CALN1: variants seen among roughly 807,000 people sequenced by gnomAD.
CALN1 encodes the protein calcium-binding protein 8.
CALN1 carries 17 observed loss-of-function variants against 30.6 expected under a neutral mutation model. That is an observed-to-expected ratio of 0.56 (90% CI 0.38 to 0.83). CALN1 has a LOEUF of 0.83. Among genes scored for constraint, CALN1 ranks in the 40% least tolerant of loss-of-function variants. The probability of loss-of-function intolerance (pLI) is 0.00; values close to 1 mark genes in which losing one functional copy is unlikely to be tolerated. For synonymous variants in CALN1, 156 were observed against 131.4 expected (o/e 1.19, Z -1.28); for missense variants, 291 against 354.9 (o/e 0.82, Z 1.45).
chr7:72,268,531 C>T (rs1041801916), intron 3 of CALN1, among the ~76,000 whole-genome samples: 3 of 152,150 alleles, frequency 2.0e-5, no homozygotes, highest in Non-Finnish European at 2.9e-5. Flanking sequence ...ACAGGATGAG[C>T]ATGGTGGCTC....
intron 4 of CALN1, among the ~76,000 whole-genome samples, chr7:72,054,450 T>TATATATACATATATAC (rs1563015519): frequency 1.7e-5 from 1 of 57,440 alleles, no homozygotes; most frequent in African/African-American, 4.7e-5. Flanking sequence ...TATATATACA[T>TATATATACATATATAC]ATATATACAT....
chr7:72,325,874 C>T (rs897043953), intron 2 of CALN1, among the ~76,000 whole-genome samples: 1 of 152,064 alleles, frequency 6.6e-6, no homozygotes, highest in African/African-American at 2.4e-5. Context: ...CGCTTGACAT[C>T]TGGGCAAAAA....
At chr7:72,223,541 T>G (rs988152454) in intron 3 of CALN1, among the ~76,000 whole-genome samples, 1 of 152,038 alleles carries the variant, frequency 6.6e-6, no homozygotes, top group African/African-American at 2.4e-5. Flanking sequence ...AGCAGGACAT[T>G]CCCTGCACTT....
intron 5 of CALN1, among the ~76,000 whole-genome samples, chr7:71,991,241 C>T (rs1208208455): frequency 6.6e-6 from 1 of 152,122 alleles, no homozygotes; most frequent in Non-Finnish European, 1.5e-5. Flanking sequence ...GGCAGATCAT[C>T]TGCAGTCAGG....
At chr7:71,900,408 C>T (rs1029922367) in intron 5 of CALN1, among the ~76,000 whole-genome samples, 1 of 152,152 alleles carries the variant, frequency 6.6e-6, no homozygotes, top group African/African-American at 2.4e-5. Context: ...ACCTAGAAAA[C>T]CCTAAAGACT....
chr7:72,041,131 A>G (rs906632266), intron 4 of CALN1, among the ~76,000 whole-genome samples: 1 of 152,168 alleles, frequency 6.6e-6, no homozygotes, highest in Non-Finnish European at 1.5e-5. Context: ...GTTGCACTCT[A>G]CATAAGAGGC....
At chr7:72,375,501 G>A (rs1271632358) in intron 2 of CALN1, among the ~76,000 whole-genome samples, 7 of 151,358 alleles carry the variant, frequency 4.6e-5, no homozygotes, top group Non-Finnish European at 8.8e-5. Flanking sequence ...TGGAGGTCGA[G>A]GCTGCAGTGA....
intron 2 of CALN1, among the ~76,000 whole-genome samples, chr7:72,393,274 C>G (rs1161566877): frequency 6.6e-6 from 1 of 152,126 alleles, no homozygotes; most frequent in Non-Finnish European, 1.5e-5. Flanking sequence ...ACCATCCTGG[C>G]TAACACGGTG....
intron 5 of CALN1, among the ~76,000 whole-genome samples, chr7:71,890,892 A>G (rs1315651953): frequency 6.6e-6 from 1 of 151,922 alleles, no homozygotes; most frequent in Non-Finnish European, 1.5e-5. Flanking sequence ...GACTACAGGC[A>G]TGCACCACCA....
At chr7:72,487,431 A>G in the CALN1 span, among the ~76,000 whole-genome samples, 3 of 152,056 alleles carry the variant, frequency 2.0e-5, no homozygotes, top group African/African-American at 7.2e-5. Context: ...CATGCCTGTA[A>G]TCCCAGCACT....
intron 3 of CALN1, among the ~76,000 whole-genome samples, chr7:72,271,563 T>TAAAAAAAAAAAAAAAAAAAAA (rs1426004146): frequency 3.9e-5 from 3 of 76,310 alleles, no homozygotes; most frequent in African/African-American, 2.4e-4. Context: ...TGCCTGCCTT[T>TAAAAAAAAAAAAAAAAAAAAA]TAAAAAAAAA....
rs1397863656 is a variant in CALN1 at position 72,277,805 on chromosome 7, A to T, written c.244+881T>A. ...AAAGCACACTGATTTGAACCATTAC[A>T]CTTAAAAGCAAATATGTGGGCCAAC... On this transcript the variant is annotated intron_variant, in intron 3 of 6. Coordinates refer to ENST00000395275, the MANE Select transcript of CALN1 (RefSeq NM_031468.4). Among the ~76,000 whole-genome samples, 9 of 151,720 alleles carry T rather than the reference A, an allele frequency of 5.9e-5. 1 individual carries two copies. The East Asian group carries it at 1.4e-3, about 23-fold the overall frequency.
intron 3 of CALN1, among the ~76,000 whole-genome samples, chr7:72,149,656 A>C (rs1409903301): frequency 6.6e-6 from 1 of 151,756 alleles, no homozygotes; most frequent in Non-Finnish European, 1.5e-5. Context: ...TAATACTCCC[A>C]TTCCCTATTT....
intron 4 of CALN1, among the ~76,000 whole-genome samples, chr7:72,094,276 T>TG (rs1193285891): frequency 6.6e-6 from 1 of 151,908 alleles, no homozygotes; most frequent in Non-Finnish European, 1.5e-5. Flanking sequence ...TACCAGAATT[T>TG]TTTTTTTAAC....
At chr7:72,338,421 T>C (rs887884835) in intron 2 of CALN1, among the ~76,000 whole-genome samples, 1 of 150,696 alleles carries the variant, frequency 6.6e-6, no homozygotes, top group Admixed American at 6.7e-5. Context: ...TCTCCACTGT[T>C]TGGTTCAACT....
At chr7:72,139,545 C>T (rs1809745321) in intron 3 of CALN1, among the ~76,000 whole-genome samples, 2 of 152,022 alleles carry the variant, frequency 1.3e-5, no homozygotes, top group Non-Finnish European at 2.9e-5. Flanking sequence ...TGTCCACCCC[C>T]TCAGCCATGC....
chr7:72,010,190 G>T (rs571620286), intron 5 of CALN1, among the ~76,000 whole-genome samples: 35 of 152,236 alleles, frequency 2.3e-4, no homozygotes, highest in African/African-American at 8.2e-4. Flanking sequence ...GTATTAGGAA[G>T]CGGGCCCTTT....
intron 5 of CALN1, among the ~76,000 whole-genome samples, chr7:71,982,967 C>T (rs1398229174): frequency 6.6e-6 from 1 of 152,164 alleles, no homozygotes; most frequent in Non-Finnish European, 1.5e-5. Context: ...AGCAGACAAC[C>T]TGGTGCAGGC....
chr7:72,093,042 C>T (rs1347076513), intron 4 of CALN1, among the ~76,000 whole-genome samples: 2 of 152,058 alleles, frequency 1.3e-5, no homozygotes, highest in African/African-American at 4.8e-5. Flanking sequence ...CATAACTTAG[C>T]CTATCCTTAC....
Sources: gnomAD v4.1 joint callset for allele counts (sites outside exome capture counted in the v4.1 genomes callset) on GRCh38, gnomAD v4.1.1 for gene constraint, MANE v1.5 for transcripts, NCBI Gene and HGNC (gene_info 2026-07-23, HGNC 2026-07-21) for gene names.